The following RANBP17 variants were observed in gnomAD, a reference collection of about 807,000 sequenced individuals.
RANBP17 encodes ran-binding protein 17.
A neutral mutation model predicts 141.2 loss-of-function variants in RANBP17; 158 were observed. That is an observed-to-expected ratio of 1.12 (90% confidence interval 0.98 to 1.28). The LOEUF (loss-of-function observed/expected upper bound fraction) is 1.28, where lower values mean the gene tolerates loss of function less well. Among genes scored for constraint, RANBP17 ranks in the 50% most tolerant of loss-of-function variants. The probability of loss-of-function intolerance (pLI) is 0.00; values close to 1 mark genes in which losing one functional copy is unlikely to be tolerated. For synonymous variants in RANBP17, 430 were observed against 450.0 expected (o/e 0.96, Z 0.56); for missense variants, 1,438 against 1,290.7 (o/e 1.11, Z -1.75).
intron 13 of RANBP17, among the ~76,000 whole-genome samples, chr5:170,954,967 C>T (rs1775502400): frequency 6.6e-6 from 1 of 152,162 alleles, no homozygotes; most frequent in African/African-American, 2.4e-5. Context: ...TGAGCTCCGC[C>T]TCCTGTCAGA....
intron 14 of RANBP17, among the ~76,000 whole-genome samples, chr5:171,057,809 A>G (rs1783507628): frequency 6.6e-6 from 1 of 152,224 alleles, no homozygotes; most frequent in African/African-American, 2.4e-5. Context: ...TTACAAAACC[A>G]TCAGATCTTC....
Position 171,293,940 on chromosome 5 carries a change from G to C in RANBP17, c.3001G>C (p.Val1001Leu). The C allele has an allele frequency of 6.2e-7, 1 of 1,613,972 alleles. No homozygotes were observed. The highest frequency in any genetic ancestry group is 8.5e-7 in the Non-Finnish European group (1 of 1,179,892). ...VFEDCRNQWS[V>L]SRPLLGLILL... ...TGAAGACTGTCGGAACCAGTGGTCA[G>C]TATCCAGGCCTCTCCTGGGGCTCAT... The change falls in exon 26 of 28, where the codon GTA (valine) becomes CTA (leucine). Residue 1001 changes from valine (V) to leucine (L), a missense_variant. By Grantham distance (32) the Val-to-Leu change is conservative. Coordinates refer to ENST00000523189, the MANE Select transcript of RANBP17 (RefSeq NM_022897.5).
At position 171,234,677 on chromosome 5, in the gene RANBP17, CAA is replaced by C. The variant is rs555325503; in HGVS notation, c.2423-6250_2423-6249del. ...AATGGTAGGACAGAAAAAATGTAGT[CAA>C]GAGATTTGAGCACAAGCAACTAGAA... On this transcript the variant is annotated intron_variant, in intron 22 of 27. Coordinates refer to ENST00000523189, the MANE Select transcript of RANBP17 (RefSeq NM_022897.5). Among the ~76,000 whole-genome samples, 701 of 152,224 alleles carry C rather than the reference CAA, an allele frequency of 4.6e-3. 5 individuals are homozygous for C. Among genetic ancestry groups the C allele is most frequent in the African/African-American group, 0.016 (668 of 41,534 alleles).
intron 24 of RANBP17, among the ~76,000 whole-genome samples, chr5:171,259,286 A>G (rs1256518882): frequency 6.6e-6 from 1 of 152,238 alleles, no homozygotes; most frequent in Non-Finnish European, 1.5e-5. Flanking sequence ...AAACTAATAC[A>G]GCCACTATGG....
At chr5:171,253,089 G>C in intron 24 of RANBP17, 4 of 711,138 alleles carry the variant, frequency 5.6e-6, no homozygotes, top group South Asian at 4.8e-5. Context: ...AATGCAGGAA[G>C]CTCTGGGGGC....
At chr5:171,242,878 G>T in intron 24 of RANBP17, 58 bp downstream of exon 24, 1 of 1,488,336 alleles carries the variant, frequency 6.7e-7, no homozygotes. Context: ...GGCTTTTAAT[G>T]TATGTGATTA....
At chr5:171,079,668 C>G (rs2127706562) in intron 14 of RANBP17, among the ~76,000 whole-genome samples, 1 of 152,292 alleles carries the variant, frequency 6.6e-6, no homozygotes, top group African/African-American at 2.4e-5. Flanking sequence ...ACTGAAGGCT[C>G]AGGTGATTGT....
At chr5:170,886,243 A>G (rs1581053631) in intron 3 of RANBP17, among the ~76,000 whole-genome samples, 1 of 152,154 alleles carries the variant, frequency 6.6e-6, no homozygotes, top group Admixed American at 6.6e-5. Flanking sequence ...GTGGCCAGGG[A>G]CATTGTCCAA....
At chr5:171,062,124 CTG>C (rs1336754008) in intron 14 of RANBP17, among the ~76,000 whole-genome samples, 1 of 151,572 alleles carries the variant, frequency 6.6e-6, no homozygotes, top group Admixed American at 6.6e-5. Context: ...ATTTGCCAGT[CTG>C]TGTCTTTTAA....
intron 25 of RANBP17, among the ~76,000 whole-genome samples, chr5:171,277,478 T>C (rs527525419): frequency 6.6e-6 from 1 of 151,040 alleles, no homozygotes; most frequent in East Asian, 2.0e-4. Context: ...AAGCCTTATT[T>C]CCTGCAGGGT....
intron 22 of RANBP17, among the ~76,000 whole-genome samples, chr5:171,236,001 A>G (rs1340032647): frequency 6.6e-6 from 1 of 152,164 alleles, no homozygotes; most frequent in South Asian, 2.1e-4. Flanking sequence ...TCAACACTGC[A>G]TTGTGTTATC....
At chr5:171,298,224 G>A (rs546525053) in intron 27 of RANBP17, among the ~76,000 whole-genome samples, 1 of 152,286 alleles carries the variant, frequency 6.6e-6, no homozygotes, top group South Asian at 2.1e-4. Flanking sequence ...AAGAGGTTAA[G>A]TATTCATCCA....
intron 14 of RANBP17, among the ~76,000 whole-genome samples, chr5:171,064,204 G>T (rs1159432137): frequency 6.6e-6 from 1 of 152,228 alleles, no homozygotes; most frequent in Non-Finnish European, 1.5e-5. Context: ...TCCTTAGTGA[G>T]ATGAACCCAG....
intron 16 of RANBP17, among the ~76,000 whole-genome samples, chr5:171,179,610 C>G (rs575905428): frequency 1.3e-5 from 2 of 152,086 alleles, no homozygotes; most frequent in African/African-American, 2.4e-5. Flanking sequence ...ATTACCCACT[C>G]TCTTGTACTT....
intron 14 of RANBP17, among the ~76,000 whole-genome samples, chr5:171,115,585 T>C (rs1044932071): frequency 1.3e-5 from 2 of 152,210 alleles, no homozygotes; most frequent in African/African-American, 4.8e-5. Flanking sequence ...TGTATACCCC[T>C]TTTTATGCCG....
chr5:171,001,960 G>A (rs1779230358), intron 14 of RANBP17, among the ~76,000 whole-genome samples: 1 of 152,108 alleles, frequency 6.6e-6, no homozygotes, highest in Non-Finnish European at 1.5e-5. Flanking sequence ...AGCCATGTGA[G>A]TAAAGTCAAT....
chr5:170,865,803 C>T (rs184665607), intron 1 of RANBP17, among the ~76,000 whole-genome samples: 101 of 152,158 alleles, frequency 6.6e-4, no homozygotes, highest in African/African-American at 2.2e-3. Context: ...CAGAATTCAC[C>T]GAAAGTTGTC....
chr5:171,258,681 T>G (rs942934749), intron 24 of RANBP17, among the ~76,000 whole-genome samples: 7 of 152,116 alleles, frequency 4.6e-5, no homozygotes, highest in Non-Finnish European at 7.4e-5. Context: ...GGCAGCCACA[T>G]GCAGAAGAAT....
chr5:171,242,799 T>C lies in RANBP17; in HGVS notation c.2755T>C (p.Ser919Pro), dbSNP rs144503439. 5.3e-5 allele frequency: 86 copies of C among 1,613,678 alleles called. No homozygotes were observed. Among genetic ancestry groups the C allele is most frequent in the Non-Finnish European group, 7.0e-5 (82 of 1,179,760 alleles). The change falls in exon 24 of 28, where the codon TCA (serine) becomes CCA (proline). Residue 919 changes from serine (S) to proline (P), a missense_variant. By Grantham distance (74) the Ser-to-Pro change is moderately conservative. Coordinates refer to ENST00000523189, the MANE Select transcript of RANBP17 (RefSeq NM_022897.5). ...PVLMYVLTSI[S>P]EGLTTLDTVV... ...ACTCATGTATGTTCTCACATCTATC[T>C]CAGAGGGACTCACTACTCTTGGTAA...
Sources: gnomAD v4.1 joint callset for allele counts (sites outside exome capture counted in the v4.1 genomes callset) on GRCh38, gnomAD v4.1.1 for gene constraint, MANE v1.5 for transcripts, NCBI Gene and HGNC (gene_info 2026-07-23, HGNC 2026-07-21) for gene names.